RNLS: variants seen among roughly 807,000 people sequenced by gnomAD.
RNLS encodes the protein renalase, FAD dependent amine oxidase.
A neutral mutation model predicts 39.8 loss-of-function variants in RNLS; 39 were observed. That is an observed-to-expected ratio of 0.98 (90% confidence interval 0.76 to 1.28). The LOEUF (loss-of-function observed/expected upper bound fraction) is 1.28, where lower values mean the gene tolerates loss of function less well. Ranked by LOEUF, RNLS falls within the 50% of genes most tolerant of loss-of-function variation. The pLI is 0.00. For missense variants in RNLS, 410 were observed against 413.3 expected (o/e 0.99, Z 0.07); for synonymous variants, 147 against 150.7 (o/e 0.98, Z 0.18).
chr10:88,502,837 C>CAAA (rs1424837775), intron 4 of RNLS, among the ~76,000 whole-genome samples: 1 of 151,970 alleles, frequency 6.6e-6, no homozygotes, highest in Admixed American at 6.6e-5. Flanking sequence ...TCCCAATGAT[C>CAAA]AAAAGCGCAT....
At chr10:88,355,605 C>G (rs117430251) in intron 5 of RNLS, among the ~76,000 whole-genome samples, 81 of 152,238 alleles carry the variant, frequency 5.3e-4, no homozygotes, top group African/African-American at 1.6e-3. Context: ...GGCCGTGTGA[C>G]GTGTCAGTCT....
chr10:88,367,030 C>A (rs1850171183), intron 4 of RNLS, among the ~76,000 whole-genome samples: 1 of 151,826 alleles, frequency 6.6e-6, no homozygotes, highest in African/African-American at 2.4e-5. Flanking sequence ...GAAATGTTGT[C>A]ATTTCACATA....
chr10:88,362,434 G>A (rs1849705437), intron 5 of RNLS, 118 bp downstream of exon 5: 1 of 867,872 alleles, frequency 1.2e-6, no homozygotes, highest in Non-Finnish European at 1.7e-6. Flanking sequence ...TTTATCCCCT[G>A]TGGCTTGGAG....
chr10:88,463,610 G>C (rs975916209), intron 4 of RNLS, among the ~76,000 whole-genome samples: 5 of 152,078 alleles, frequency 3.3e-5, no homozygotes, highest in African/African-American at 1.2e-4. Context: ...CACAGTACTG[G>C]AATATCAACT....
intron 4 of RNLS, among the ~76,000 whole-genome samples, chr10:88,427,130 T>C (rs1249135102): frequency 6.6e-6 from 1 of 152,028 alleles, no homozygotes; most frequent in Non-Finnish European, 1.5e-5. Context: ...GAAAGAGGTT[T>C]GTTTAATCTT....
intron 4 of RNLS, among the ~76,000 whole-genome samples, chr10:88,390,635 CAACT>C (rs1852141103): frequency 6.6e-6 from 1 of 152,132 alleles, no homozygotes; most frequent in African/African-American, 2.4e-5. Context: ...AGCCAAAAAA[CAACT>C]AACAGCTGGC....
the RNLS span, among the ~76,000 whole-genome samples, chr10:88,236,998 C>T: frequency 1.9e-4 from 29 of 152,150 alleles, 1 homozygote; most frequent in East Asian, 7.7e-4. Flanking sequence ...TAAGAAAACC[C>T]TGCTAAGATC....
chr10:88,548,261 CAAAAAAAAAAAAAAAA>C (rs869175046), intron 4 of RNLS, among the ~76,000 whole-genome samples: 2 of 32,408 alleles, frequency 6.2e-5, no homozygotes, highest in East Asian at 8.4e-4. Context: ...GACTCCGTCT[CAAAAAAAAAAAAAAAA>C]AAAAAAAAAA....
chr10:88,534,319 A>T (rs755262115), intron 4 of RNLS, among the ~76,000 whole-genome samples: 1 of 152,112 alleles, frequency 6.6e-6, no homozygotes, highest in Non-Finnish European at 1.5e-5. Flanking sequence ...TAGCTGTGTG[A>T]CCTAATACTG....
chr10:88,295,320 G>C (rs996757538), intron 6 of RNLS, among the ~76,000 whole-genome samples: 1 of 151,880 alleles, frequency 6.6e-6, no homozygotes, highest in Non-Finnish European at 1.5e-5. Flanking sequence ...GATTTTTGAG[G>C]CTCTCAGTTC....
At chr10:88,491,006 G>A (rs1398077028) in intron 4 of RNLS, among the ~76,000 whole-genome samples, 1 of 152,162 alleles carries the variant, frequency 6.6e-6, no homozygotes, top group Non-Finnish European at 1.5e-5. Flanking sequence ...GCCACGCCAT[G>A]TTAATTTTTG....
At chr10:88,303,844 C>T (rs1439178373) in intron 6 of RNLS, among the ~76,000 whole-genome samples, 1 of 152,204 alleles carries the variant, frequency 6.6e-6, no homozygotes, top group African/African-American at 2.4e-5. Context: ...CACCCTGCCC[C>T]CAGGCCAAGA....
chr10:88,515,556 A>T (rs1846362494), intron 4 of RNLS, among the ~76,000 whole-genome samples: 1 of 152,016 alleles, frequency 6.6e-6, no homozygotes, highest in African/African-American at 2.4e-5. Flanking sequence ...GCCTTGCCCT[A>T]TTCTTTCATA....
At chr10:88,558,864 A>G (rs1219776296) in intron 4 of RNLS, among the ~76,000 whole-genome samples, 1 of 152,176 alleles carries the variant, frequency 6.6e-6, no homozygotes, top group Non-Finnish European at 1.5e-5. Context: ...TTTTTTCTAA[A>G]ATTAAGATCC....
the RNLS span, among the ~76,000 whole-genome samples, chr10:88,240,108 T>C: frequency 5.1e-4 from 78 of 152,366 alleles, no homozygotes; most frequent in African/African-American, 1.8e-3. Context: ...TTTTCAAAGT[T>C]AAAATACTTT....
chr10:88,541,126 G>A (rs1034581552), intron 4 of RNLS, among the ~76,000 whole-genome samples: 4 of 152,002 alleles, frequency 2.6e-5, no homozygotes, highest in African/African-American at 4.8e-5. Flanking sequence ...GACCATTTCT[G>A]TTATATAGAA....
chr10:88,313,998 TCAGCTGG>T (rs1283017488), intron 6 of RNLS, among the ~76,000 whole-genome samples: 1 of 152,192 alleles, frequency 6.6e-6, no homozygotes, highest in African/African-American at 2.4e-5. Flanking sequence ...CCCAGAGAGC[TCAGCTGG>T]CAGCAGTCAA....
At chr10:88,355,761 C>T (rs1210850675) in intron 5 of RNLS, among the ~76,000 whole-genome samples, 1 of 152,218 alleles carries the variant, frequency 6.6e-6, no homozygotes, top group Non-Finnish European at 1.5e-5. Context: ...ACATTTAAGT[C>T]TGCAGAGGTT....
At chr10:88,293,847 A>G (rs1240562965) in intron 6 of RNLS, among the ~76,000 whole-genome samples, 1 of 152,210 alleles carries the variant, frequency 6.6e-6, no homozygotes, top group Admixed American at 6.5e-5. Flanking sequence ...AGTAATTTCC[A>G]TTATCACTGG....
Sources: allele counts gnomAD v4.1 joint callset (sites outside exome capture counted in the v4.1 genomes callset), GRCh38; gene constraint gnomAD v4.1.1; transcripts MANE v1.5; gene names NCBI Gene and HGNC (gene_info 2026-07-23, HGNC 2026-07-21).